SEH1L: variants seen among roughly 807,000 people sequenced by gnomAD.
SEH1L encodes the protein nucleoporin SEH1.
Under a neutral mutation model 49.5 loss-of-function variants are expected in SEH1L, and 18 were observed. The ratio of observed to expected loss-of-function variants is 0.36; its 90% CI spans 0.25 to 0.54. The LOEUF (loss-of-function observed/expected upper bound fraction) is 0.54, where lower values mean the gene tolerates loss of function less well. Ranked by LOEUF, SEH1L falls within the 20% of genes least tolerant of loss-of-function variation. The probability of loss-of-function intolerance (pLI) is 0.87; values close to 1 mark genes in which losing one functional copy is unlikely to be tolerated. For missense variants in SEH1L, 404 were observed against 528.8 expected (o/e 0.76, Z 2.31); for synonymous variants, 169 against 178.1 (o/e 0.95, Z 0.41).
rs370049753 is a variant in SEH1L at position 12,951,847 on chromosome 18, T to A, written c.112-8T>A. The A allele has an allele frequency of 6.5e-7, 1 of 1,545,224 alleles. No homozygotes were observed. The highest frequency in any genetic ancestry group is 1.2e-5 in the South Asian group (1 of 85,030). ...TGTATAAAATATCTGCCTTTTATTT[T>A]CTTATAGGTCTGGGATAAAAGTGAA... On this transcript the variant is annotated splice_region_variant and splice_polypyrimidine_tract_variant and intron_variant, in intron 1 of 8. Coordinates refer to ENST00000399892, the MANE Select transcript of SEH1L (RefSeq NM_001013437.2).
chr18:12,982,715 C>T, intron 7 of SEH1L, 40 bp downstream of exon 7: 1 of 1,455,196 alleles, frequency 6.9e-7, no homozygotes, highest in Non-Finnish European at 9.3e-7. Flanking sequence ...GTTTATATTT[C>T]TGCTCTGCAA....
chr18:12,952,103 A>G (rs867378850), intron 2 of SEH1L, among the ~76,000 whole-genome samples, 198 bp downstream of exon 2: 2 of 152,048 alleles, frequency 1.3e-5, no homozygotes, highest in African/African-American at 4.8e-5. Flanking sequence ...ATTCTGTAGC[A>G]TTCTAACATA....
At position 12,987,042 on chromosome 18, in the gene SEH1L, G is replaced by A. The variant is rs765887619; in HGVS notation, c.1251G>A (p.Glu417=). 2 of 1,604,714 alleles carry A rather than the reference G, an allele frequency of 1.2e-6. No homozygotes were observed. ...CTCGGCCTCTTAATCCCTTACCTGA[G>A]AATGAAGGGATTTAAAACACTGATT... ...YLSRPLNPLP[E]NEGI is the part of the protein sequence containing the mutation. The change falls in exon 9 of 9, where the codon GAG becomes GAA. Residue 417 remains glutamate (E), a synonymous_variant. Transcript: ENST00000399892.
chr18:12,980,410 G>A (rs2032162013), intron 6 of SEH1L, among the ~76,000 whole-genome samples: 3 of 99,926 alleles, frequency 3.0e-5, no homozygotes, highest in Non-Finnish European at 6.0e-5. Flanking sequence ...GCGGCTGGCC[G>A]GGCGGGGGGC....
chr18:12,967,817 G>A lies in SEH1L; in HGVS notation c.522-3336G>A, dbSNP rs147497340. Among the ~76,000 whole-genome samples the A allele has an allele frequency of 6.0e-3, 920 of 152,278 alleles. 8 individuals carry two copies. The highest frequency in any genetic ancestry group is 0.021 in the African/African-American group (884 of 41,544). Reference sequence around the variant, plus strand: ...TACTCCCAGCTACTCAGGAGGCTGAGGCAGGAGAATCGCTTGAACTTCGGA... The same window carrying A: ...TACTCCCAGCTACTCAGGAGGCTGAAGCAGGAGAATCGCTTGAACTTCGGA... On this transcript the variant is annotated intron_variant, in intron 4 of 8. Coordinates refer to ENST00000399892, the MANE Select transcript of SEH1L (RefSeq NM_001013437.2).
chr18:12,956,195 C>T (rs758297225), intron 3 of SEH1L, among the ~76,000 whole-genome samples: 107 of 151,996 alleles, frequency 7.0e-4, no homozygotes, highest in Non-Finnish European at 1.4e-3. Flanking sequence ...CAGGCGCCCG[C>T]CACCACGCCC....
chr18:12,964,360 C>CT (rs1433477568), intron 4 of SEH1L: 36 of 152,140 alleles, frequency 2.4e-4, no homozygotes, highest in African/African-American at 8.7e-4. Flanking sequence ...ACCTTTGGTT[C>CT]TTGCTATGTT....
intron 3 of SEH1L, 115 bp from the exon 4 acceptor site, chr18:12,963,045 T>C (rs890385562): frequency 1.0e-5 from 7 of 691,580 alleles, no homozygotes; most frequent in African/African-American, 5.4e-5. Context: ...TCCAAGCTTA[T>C]ATACCTAGTG....
At position 12,982,660 on chromosome 18, in the gene SEH1L, G is replaced by A; in HGVS notation, c.904G>A (p.Val302Ile). 1.2e-6 allele frequency: 2 copies of A among 1,609,714 alleles called. No individual in the cohort carries two copies. The highest frequency in any genetic ancestry group is 1.7e-6 in the Non-Finnish European group (2 of 1,177,850). ...AGCATCTTCAGGAGATGATGGGTGTGTAAGATTGTGGAAAGGTAAGAGTTC... is the reference window on the plus strand; with the variant it reads ...AGCATCTTCAGGAGATGATGGGTGTATAAGATTGTGGAAAGGTAAGAGTTC... ...VLASSGDDGC[V>I]RLWKANYMDN... Residue 302 changes from valine (V) to isoleucine (I), a missense_variant, in exon 7 of 9, where the codon GTA (valine) becomes ATA (isoleucine). Transcript: ENST00000399892.
rs769908639 is a variant in SEH1L at position 12,982,560 on chromosome 18, C to T, written c.804C>T (p.Ile268=). 2 of 1,613,340 alleles carry T rather than the reference C, an allele frequency of 1.2e-6. No individual in the cohort carries two copies. The highest frequency in any genetic ancestry group is 8.5e-7 in the Non-Finnish European group (1 of 1,179,676). The change falls in exon 7 of 9, where the codon ATC becomes ATT. Residue 268 remains isoleucine, a synonymous_variant. Coordinates refer to ENST00000399892, the MANE Select transcript of SEH1L (RefSeq NM_001013437.2). The part of the protein sequence containing the change: ...TSSGGPTKFE[I]HIVAQFDNHN... ...CTGGTGGGCCAACAAAGTTTGAAAT[C>T]CATATAGTGGCTCAGTTCGATAATC... is the stretch of plus-strand genomic sequence containing the variant.
At chr18:12,955,335 GA>G in intron 2 of SEH1L, 127 bp from the exon 3 acceptor site, 1 of 814,978 alleles carries the variant, frequency 1.2e-6, no homozygotes, top group Non-Finnish European at 1.9e-6. Context: ...TTCTCTCATA[GA>G]AGTAAAACTA....
chr18:12,978,378 C>T (rs2032012680), intron 5 of SEH1L: 1 of 163,858 alleles, frequency 6.1e-6, no homozygotes, highest in Admixed American at 6.1e-5. Context: ...TCCGGGAGTT[C>T]TTTGGCTTGT....
At chr18:12,973,824 T>G (rs1336703059) in intron 5 of SEH1L, 1 of 152,222 alleles carries the variant, frequency 6.6e-6, no homozygotes, top group Admixed American at 6.5e-5. Context: ...TATTTTCCAC[T>G]TTTTTCTTGC....
chr18:12,956,337 T>C (rs58537161), intron 3 of SEH1L, among the ~76,000 whole-genome samples: 50,228 of 151,732 alleles, frequency 0.33, 9,642 homozygotes, highest in East Asian at 0.6. Context: ...CCACCACGCC[T>C]GGCCAAGGGT....
chr18:12,971,402 C>T (rs1256036347), intron 5 of SEH1L, 151 bp downstream of exon 5: 7 of 585,750 alleles, frequency 1.2e-5, no homozygotes, highest in African/African-American at 1.9e-5. Flanking sequence ...GCTGTGATAG[C>T]ACAGGCATGA....
intron 8 of SEH1L, among the ~76,000 whole-genome samples, chr18:12,984,529 T>A (rs1397442650): frequency 6.6e-6 from 1 of 152,214 alleles, no homozygotes; most frequent in Non-Finnish European, 1.5e-5. Context: ...ACATTAGTGT[T>A]TTTTAGTGCT....
chr18:12,984,221 A>G, intron 8 of SEH1L, 31 bp downstream of exon 8: 1 of 1,605,806 alleles, frequency 6.2e-7, no homozygotes, highest in East Asian at 2.2e-5. Context: ...ACTGGAAATC[A>G]TCTTTGTTTT....
chr18:12,980,085 A>AT (rs2032129179), intron 6 of SEH1L, among the ~76,000 whole-genome samples: 1 of 51,192 alleles, frequency 2.0e-5, no homozygotes, highest in Admixed American at 1.9e-4. Context: ...CGGGGGGCTG[A>AT]CCCCCCCCCA....
At chr18:12,970,036 T>C (rs1182015077) in intron 4 of SEH1L, among the ~76,000 whole-genome samples, 4 of 152,244 alleles carry the variant, frequency 2.6e-5, no homozygotes, top group Non-Finnish European at 4.4e-5. Context: ...GCCTGGTACT[T>C]TTCTTAATTA....
Sources: gnomAD v4.1 joint callset for allele counts (sites outside exome capture counted in the v4.1 genomes callset) on GRCh38, gnomAD v4.1.1 for gene constraint, MANE v1.5 for transcripts, NCBI Gene and HGNC (gene_info 2026-07-23, HGNC 2026-07-21) for gene names.